The following IMMP2L variants were observed in gnomAD, a reference collection of about 807,000 sequenced individuals.
IMMP2L encodes inner mitochondrial membrane peptidase subunit 2, also known as mitochondrial inner membrane protease subunit 2.
Under a neutral mutation model 19.3 loss-of-function variants are expected in IMMP2L, and 18 were observed. That is an observed-to-expected ratio of 0.93 (90% CI 0.64 to 1.38). The LOEUF is 1.38. Ranked by LOEUF, IMMP2L falls within the 40% of genes most tolerant of loss-of-function variation. The probability of loss-of-function intolerance (pLI) is 0.00; values close to 1 mark genes in which losing one functional copy is unlikely to be tolerated. For missense variants in IMMP2L, 233 were observed against 218.2 expected (o/e 1.07, Z -0.43); for synonymous variants, 76 against 73.0 (o/e 1.04, Z -0.21).
chr7:110,694,245 G>T (rs1793712752), intron 5 of IMMP2L, among the ~76,000 whole-genome samples: 1 of 152,042 alleles, frequency 6.6e-6, no homozygotes, highest in African/African-American at 2.4e-5. Flanking sequence ...GAATAGACTA[G>T]AATTTATTGT....
At chr7:111,386,826 C>T (rs1357096654) in intron 3 of IMMP2L, among the ~76,000 whole-genome samples, 4 of 152,130 alleles carry the variant, frequency 2.6e-5, no homozygotes, top group Non-Finnish European at 4.4e-5. Flanking sequence ...AATATCTGTG[C>T]CATAAACTAT....
chr7:111,141,593 G>C, intron 3 of IMMP2L, among the ~76,000 whole-genome samples: 1 of 151,990 alleles, frequency 6.6e-6, no homozygotes, highest in African/African-American at 2.4e-5. Flanking sequence ...GTCTACTATA[G>C]TATCCTTCCC....
At chr7:111,183,558 A>C (rs901005468) in intron 3 of IMMP2L, among the ~76,000 whole-genome samples, 4 of 152,062 alleles carry the variant, frequency 2.6e-5, no homozygotes, top group African/African-American at 9.7e-5. Flanking sequence ...GAGAGTTATA[A>C]AGGGAAATGA....
At chr7:111,472,063 A>G (rs1447010809) in intron 3 of IMMP2L, among the ~76,000 whole-genome samples, 3 of 152,122 alleles carry the variant, frequency 2.0e-5, no homozygotes, top group Non-Finnish European at 2.9e-5. Context: ...ATGACTTGTA[A>G]AAAAATCTTA....
At chr7:111,333,521 T>A (rs1262143487) in intron 3 of IMMP2L, among the ~76,000 whole-genome samples, 6 of 152,050 alleles carry the variant, frequency 3.9e-5, no homozygotes, top group Admixed American at 3.9e-4. Flanking sequence ...GGTCGACTTG[T>A]GATGGTAAAT....
intron 5 of IMMP2L, among the ~76,000 whole-genome samples, chr7:110,740,709 A>G (rs1384183741): frequency 6.6e-6 from 1 of 152,100 alleles, no homozygotes; most frequent in African/African-American, 2.4e-5. Flanking sequence ...ACAGTGCAAC[A>G]CCACCTCACT....
In IMMP2L at chr7:111,272,956, G is replaced by C. The variant is rs1359729017; in HGVS notation, c.239+214282C>G. Reference sequence around the variant, plus strand: ...CAATGGAGTCTTGATAGAGTATAAAGAACATTACAAATGGAAGAAACACCT... The same window carrying C: ...CAATGGAGTCTTGATAGAGTATAAACAACATTACAAATGGAAGAAACACCT... On this transcript the variant is annotated intron_variant, in intron 3 of 5. Transcript: ENST00000405709. Among the ~76,000 whole-genome samples the C allele has an allele frequency of 2.0e-5, 3 of 152,144 alleles. No homozygotes were observed. The East Asian group carries it at 5.8e-4, about 29-fold the overall frequency.
intron 3 of IMMP2L, among the ~76,000 whole-genome samples, chr7:111,442,389 T>C (rs138670961): frequency 2.6e-5 from 4 of 151,912 alleles, no homozygotes; most frequent in African/African-American, 9.7e-5. Context: ...GAAGTAGCTA[T>C]AGAGACATGT....
intron 3 of IMMP2L, among the ~76,000 whole-genome samples, chr7:111,116,000 A>C: frequency 6.6e-6 from 1 of 152,174 alleles, no homozygotes; most frequent in East Asian, 1.9e-4. Flanking sequence ...AAAGAAAACT[A>C]TCCCCATGTA....
chr7:111,133,847 C>T (rs895334493), intron 3 of IMMP2L, among the ~76,000 whole-genome samples: 15 of 151,930 alleles, frequency 9.9e-5, no homozygotes, highest in African/African-American at 3.1e-4. Flanking sequence ...GCCTCATAAG[C>T]GTACTCTCAG....
intron 4 of IMMP2L, among the ~76,000 whole-genome samples, chr7:110,928,757 A>T (rs11973280): frequency 0.011 from 1,732 of 152,226 alleles, 42 homozygotes; most frequent in African/African-American, 0.04. Flanking sequence ...ATCCCTCACC[A>T]ACTGCTCTAT....
intron 5 of IMMP2L, among the ~76,000 whole-genome samples, chr7:110,759,818 T>C (rs915488759): frequency 2.6e-5 from 4 of 152,106 alleles, no homozygotes; most frequent in Non-Finnish European, 5.9e-5. Context: ...AGGATACAAA[T>C]GAATTGAGTT....
intron 2 of IMMP2L, among the ~76,000 whole-genome samples, chr7:111,505,039 T>C (rs1314352187): frequency 6.6e-6 from 1 of 151,876 alleles, no homozygotes; most frequent in African/African-American, 2.4e-5. Flanking sequence ...ACAGGCAACC[T>C]ACAAAATGGG....
chr7:110,892,376 C>G (rs1810890989), intron 4 of IMMP2L, among the ~76,000 whole-genome samples: 1 of 152,056 alleles, frequency 6.6e-6, no homozygotes, highest in Admixed American at 6.6e-5. Flanking sequence ...TATTACCACC[C>G]TAAAATTATC....
At chr7:111,172,510 G>A (rs1216155363) in intron 3 of IMMP2L, among the ~76,000 whole-genome samples, 1 of 151,380 alleles carries the variant, frequency 6.6e-6, no homozygotes, top group African/African-American at 2.4e-5. Context: ...TTCAAAATCT[G>A]CTTTTCTAGC....
chr7:110,924,432 G>C lies in IMMP2L; in HGVS notation c.306-37737C>G, dbSNP rs1426317570. 6.6e-6 allele frequency among the ~76,000 whole-genome samples: 1 copy of C among 152,018 alleles called. No individual in the cohort carries two copies. Among genetic ancestry groups the C allele is most frequent in the African/African-American group, 2.4e-5 (1 of 41,376 alleles). On this transcript the variant is annotated intron_variant, in intron 4 of 5. Transcript: ENST00000405709. The surrounding 1 kb of genome is among the most constrained non-coding windows in gnomAD (Gnocchi z 4.2). ...AATGACATACCAGACTCATTAAAGG[G>C]GCCCCATCCTTCTGGCCAGTCACAA...
chr7:111,420,470 A>G (rs571179151), intron 3 of IMMP2L, among the ~76,000 whole-genome samples: 1 of 151,826 alleles, frequency 6.6e-6, no homozygotes, highest in Non-Finnish European at 1.5e-5. Context: ...GGTTTGATAC[A>G]TAACTATGCA....
intron 3 of IMMP2L, among the ~76,000 whole-genome samples, chr7:111,270,026 A>G (rs1033297758): frequency 3.3e-5 from 5 of 150,006 alleles, no homozygotes; most frequent in African/African-American, 1.2e-4. Flanking sequence ...TTCCTATTGT[A>G]CCATCTTTGT....
chr7:110,862,842 G>C (rs1291102245), intron 5 of IMMP2L, among the ~76,000 whole-genome samples: 1 of 151,992 alleles, frequency 6.6e-6, no homozygotes, highest in Non-Finnish European at 1.5e-5. Context: ...CTAGAACAAA[G>C]AGCAAGTTTG....
Sources: allele counts gnomAD v4.1 joint callset (sites outside exome capture counted in the v4.1 genomes callset), GRCh38; gene constraint gnomAD v4.1.1; non-coding constraint Gnocchi (gnomAD v3.1); transcripts MANE v1.5; gene names NCBI Gene and HGNC (gene_info 2026-07-23, HGNC 2026-07-21).